Variants in TANC1 observed in about 807,000 individuals in gnomAD.
TANC1 encodes the protein protein TANC1.
In TANC1, 77 loss-of-function variants were observed where a neutral mutation model predicts 149.7. That is an observed-to-expected ratio of 0.51 (90% confidence interval 0.43 to 0.62). TANC1 has a LOEUF of 0.62. Among genes scored for constraint, TANC1 ranks in the 20% least tolerant of loss-of-function variants. TANC1 has a pLI of 0.00. For missense variants in TANC1, 1,985 were observed against 2,321.8 expected, an observed-to-expected ratio of 0.85 and a Z score of 2.98; for synonymous variants, 854 against 925.0, an observed-to-expected ratio of 0.92 and a Z score of 1.39.
At chr2:159,097,234 G>T (rs902109365) in intron 3 of TANC1, among the ~76,000 whole-genome samples, 12 of 152,178 alleles carry the variant, frequency 7.9e-5, no homozygotes, top group African/African-American at 2.9e-4. Context: ...AGGCCTGGGA[G>T]TTCTGGAAGG....
At chr2:158,992,727 A>G (rs1448142524) in intron 1 of TANC1, among the ~76,000 whole-genome samples, 1 of 128,468 alleles carries the variant, frequency 7.8e-6, no homozygotes, top group African/African-American at 3.1e-5. Flanking sequence ...TCACCGTGTT[A>G]GCCAGGATGG....
At chr2:159,051,980 A>G (rs955747924) in intron 2 of TANC1, among the ~76,000 whole-genome samples, 7 of 152,228 alleles carry the variant, frequency 4.6e-5, no homozygotes, top group Middle Eastern at 3.4e-3. Context: ...TTATCTTCCT[A>G]TGGGCATCCC....
chr2:159,167,161 A>G (rs568224961), intron 8 of TANC1, among the ~76,000 whole-genome samples: 1 of 152,346 alleles, frequency 6.6e-6, no homozygotes, highest in East Asian at 1.9e-4. Context: ...GCTCTAAAGC[A>G]TCTTTTTATT....
chr2:159,135,406 A>G (rs555026278), intron 4 of TANC1, among the ~76,000 whole-genome samples: 33 of 152,388 alleles, frequency 2.2e-4, no homozygotes, highest in Admixed American at 1.7e-3. Flanking sequence ...GTGTGAACAT[A>G]CATTCCCATA....
intron 9 of TANC1, among the ~76,000 whole-genome samples, chr2:159,169,967 T>C (rs1325783020): frequency 6.7e-6 from 1 of 148,506 alleles, no homozygotes; most frequent in Non-Finnish European, 1.5e-5. Flanking sequence ...CACTCCAGCC[T>C]GGGCAACAAG....
At chr2:159,058,642 G>A (rs2042021601) in intron 2 of TANC1, among the ~76,000 whole-genome samples, 1 of 152,176 alleles carries the variant, frequency 6.6e-6, no homozygotes, top group South Asian at 2.1e-4. Context: ...TGGAAGAAAT[G>A]GTGTTAGAAT....
At chr2:159,174,388 T>C (rs2111918) in intron 11 of TANC1, among the ~76,000 whole-genome samples, 149,325 of 152,124 alleles carry the variant, frequency 0.98, 73,349 homozygotes, top group East Asian at 1. Flanking sequence ...CTTCAGACAG[T>C]GCCCCTGTAG....
chr2:159,077,597 C>A (rs1029816872), intron 3 of TANC1, among the ~76,000 whole-genome samples: 2 of 152,150 alleles, frequency 1.3e-5, no homozygotes, highest in African/African-American at 4.8e-5. Context: ...ACATCTTATT[C>A]TGTAAACTAC....
chr2:158,974,333 A>G (rs1348771566), intron 1 of TANC1, among the ~76,000 whole-genome samples: 1 of 152,246 alleles, frequency 6.6e-6, no homozygotes, highest in Non-Finnish European at 1.5e-5. Context: ...GATTGGTTCC[A>G]GGATTCCCAC....
chr2:159,170,447 C>T, intron 9 of TANC1, 77 bp from the exon 10 acceptor site: 2 of 1,351,182 alleles, frequency 1.5e-6, no homozygotes, highest in Non-Finnish European at 2.0e-6. Flanking sequence ...TAGTGTAACA[C>T]ACAAGCAATA....
chr2:159,179,287 G>A, intron 14 of TANC1, 124 bp downstream of exon 14: 1 of 1,310,210 alleles, frequency 7.6e-7, no homozygotes, highest in Non-Finnish European at 1.0e-6. Flanking sequence ...CAGTGTTACT[G>A]CTTTGTTTTA....
chr2:159,164,592 A>G (rs992505428), intron 8 of TANC1, among the ~76,000 whole-genome samples: 10 of 152,202 alleles, frequency 6.6e-5, no homozygotes, highest in Non-Finnish European at 1.3e-4. Context: ...TGAGTTTAGA[A>G]GAGGAACTTG....
chr2:159,024,931 C>A (rs1447763121), intron 2 of TANC1, among the ~76,000 whole-genome samples: 1 of 152,176 alleles, frequency 6.6e-6, no homozygotes, highest in Non-Finnish European at 1.5e-5. Flanking sequence ...TAGCATATAG[C>A]CCAGGCTTGT....
intron 20 of TANC1, 60 bp downstream of exon 20, chr2:159,217,690 C>T: frequency 6.3e-7 from 1 of 1,584,796 alleles, no homozygotes; most frequent in Non-Finnish European, 8.6e-7. Context: ...TTCACTATTG[C>T]CTGGCTCCCC....
At position 159,166,422 on chromosome 2, in the gene TANC1, A is replaced by G. The variant is rs558769605; in HGVS notation, c.947-2828A>G. On this transcript the variant is annotated intron_variant, in intron 8 of 26. Transcript: ENST00000263635. The stretch of plus-strand genomic sequence containing the variant: ...CAAGCCCACCCTCACCAAAAAACGG[A>G]CTTTCCTCCACATCTTGAAATGTGC... Among the ~76,000 whole-genome samples, 17 of 152,162 alleles carry G rather than the reference A, an allele frequency of 1.1e-4. 1 individual carries two copies. The South Asian group carries it at 2.9e-3, about 26-fold the overall frequency.
intron 23 of TANC1, 28 bp from the exon 24 acceptor site, chr2:159,225,660 T>C: frequency 6.3e-7 from 1 of 1,592,812 alleles, no homozygotes. Context: ...GCCTCTGAAG[T>C]GCCTCTGAAT....
At position 158,973,449 on chromosome 2, in the gene TANC1, A is replaced by T. The variant is rs146909157; in HGVS notation, c.-126+4667A>T. On this transcript the variant is annotated intron_variant, in intron 1 of 26. Transcript: ENST00000263635. Reference sequence around the variant, plus strand: ...ATGCAAAAATGGGATCCTCTGTTGCATGAGCTTTTGAAGAAATATGAAAAA... The same window carrying T: ...ATGCAAAAATGGGATCCTCTGTTGCTTGAGCTTTTGAAGAAATATGAAAAA... Among the ~76,000 whole-genome samples, 142 of 152,348 alleles carry T rather than the reference A, an allele frequency of 9.3e-4. 1 individual carries two copies. Among genetic ancestry groups the T allele is most frequent in the East Asian group, 6.0e-3 (31 of 5,182 alleles).
At chr2:159,152,053 C>G (rs1261980979) in intron 7 of TANC1, among the ~76,000 whole-genome samples, 1 of 152,222 alleles carries the variant, frequency 6.6e-6, no homozygotes, top group African/African-American at 2.4e-5. Flanking sequence ...CTTTCTGTCT[C>G]TGTAGCTTAT....
intron 2 of TANC1, among the ~76,000 whole-genome samples, chr2:159,024,552 A>G (rs910392242): frequency 6.6e-6 from 1 of 152,000 alleles, no homozygotes; most frequent in African/African-American, 2.4e-5. Context: ...GGAGTTCAAC[A>G]CCAGCCTGGC....
Sources: gnomAD v4.1 joint callset for allele counts (sites outside exome capture counted in the v4.1 genomes callset) on GRCh38, gnomAD v4.1.1 for gene constraint, MANE v1.5 for transcripts, NCBI Gene and HGNC (gene_info 2026-07-23, HGNC 2026-07-21) for gene names.